Variants in TENM4 observed in about 807,000 individuals in gnomAD.
TENM4 encodes teneurin-4.
A neutral mutation model predicts 243.3 loss-of-function variants in TENM4; 82 were observed. That is an observed-to-expected ratio of 0.34 (90% CI 0.28 to 0.40). The LOEUF (loss-of-function observed/expected upper bound fraction) is 0.40. Among genes scored for constraint, TENM4 ranks in the 10% least tolerant of loss-of-function variants. The pLI is 1.00. For synonymous variants in TENM4, 1,412 were observed against 1,456.3 expected, an observed-to-expected ratio of 0.97 and a Z score of 0.69; for missense variants, 3,138 against 3,673.3, an observed-to-expected ratio of 0.85 and a Z score of 3.77.
At chr11:79,102,456 C>T (rs1861257831) in intron 4 of TENM4, among the ~76,000 whole-genome samples, 1 of 152,176 alleles carries the variant, frequency 6.6e-6, no homozygotes, top group Non-Finnish European at 1.5e-5. Flanking sequence ...ACTCTGGCTC[C>T]TGGAGAAGCC....
chr11:79,306,023 G>A (rs558076422), intron 1 of TENM4, among the ~76,000 whole-genome samples: 2 of 152,166 alleles, frequency 1.3e-5, no homozygotes, highest in Non-Finnish European at 2.9e-5. Context: ...CTGGCGCAGG[G>A]GCTCCTCTGC....
At chr11:79,419,013 G>A (rs561291071) in intron 1 of TENM4, among the ~76,000 whole-genome samples, 125 of 152,328 alleles carry the variant, frequency 8.2e-4, no homozygotes, top group African/African-American at 2.9e-3. Context: ...TCTGAAGGAA[G>A]TCAAACTCAT....
chr11:78,738,318 G>C (rs565233391), intron 20 of TENM4, 133 bp downstream of exon 20: 1 of 1,225,262 alleles, frequency 8.2e-7, no homozygotes, highest in African/African-American at 1.5e-5. Context: ...AAGTTGCAGA[G>C]CTGGGCATTT....
chr11:78,770,851 G>T, intron 18 of TENM4, 141 bp downstream of exon 18: 1 of 1,017,634 alleles, frequency 9.8e-7, no homozygotes, highest in Non-Finnish European at 1.4e-6. Flanking sequence ...AGCCACATGT[G>T]CAGTTTTTTG....
intron 2 of TENM4, among the ~76,000 whole-genome samples, chr11:79,283,696 G>C (rs781182083): frequency 2.8e-4 from 43 of 152,240 alleles, no homozygotes; most frequent in Non-Finnish European, 1.5e-5. Flanking sequence ...TACTGTACTG[G>C]AGGTTCTAAC....
chr11:79,201,725 G>T lies in TENM4; in HGVS notation c.-163+14083C>A, dbSNP rs573074932. On this transcript the variant is annotated intron_variant, in intron 3 of 33. Transcript: ENST00000278550. ...AGACTCACAGAAGCATGAAGGAGGG[G>T]TGGGGCAAGTGGCTGAAAGCCCTCT... Among the ~76,000 whole-genome samples, 103 of 152,192 alleles carry T rather than the reference G, an allele frequency of 6.8e-4. 1 individual carries two copies. Among genetic ancestry groups the T allele is most frequent in the African/African-American group, 2.4e-3 (100 of 41,516 alleles).
At chr11:79,224,015 C>T (rs550634297) in intron 2 of TENM4, among the ~76,000 whole-genome samples, 5 of 152,330 alleles carry the variant, frequency 3.3e-5, no homozygotes, top group Non-Finnish European at 7.3e-5. Flanking sequence ...ACAAGACCCT[C>T]CAGAGCTCTC....
At chr11:79,165,270 G>C (rs937144604) in intron 3 of TENM4, among the ~76,000 whole-genome samples, 1 of 152,078 alleles carries the variant, frequency 6.6e-6, no homozygotes, top group Non-Finnish European at 1.5e-5. Flanking sequence ...CAGCATAAAA[G>C]TGTTCCCTTT....
In TENM4 at chr11:78,738,441, G is replaced by A; in HGVS notation, c.2876+10C>T. The A allele has an allele frequency of 6.2e-7, 1 of 1,612,514 alleles. No individual in the cohort carries two copies. Among genetic ancestry groups the A allele is most frequent in the Non-Finnish European group, 8.5e-7 (1 of 1,179,254 alleles). On this transcript the variant is annotated intron_variant, in intron 20 of 33. Coordinates refer to ENST00000278550, the MANE Select transcript of TENM4 (RefSeq NM_001098816.3). ...CCTTCACTGTTTCTGGCTCATAGAA[G>A]GTCTCCTACCTGCCATCTTGCCTGC...
intron 10 of TENM4, among the ~76,000 whole-genome samples, chr11:78,859,327 TAAC>T (rs1288872897): frequency 6.6e-6 from 1 of 152,180 alleles, no homozygotes; most frequent in Non-Finnish European, 1.5e-5. Flanking sequence ...CCCAGAGACT[TAAC>T]AAACACTGCA....
chr11:78,891,453 A>T lies in TENM4; in HGVS notation c.750-117T>A. 7.7e-6 allele frequency: 7 copies of T among 908,048 alleles called. No individual in the cohort carries two copies. The South Asian group carries it at 1.1e-4, about 14-fold the overall frequency. The allele number at this position is 908,048 out of a possible 1,614,324, so 56.2% of individuals were successfully genotyped here. A position where few individuals can be genotyped will look rare whatever the true frequency, so the allele number is the denominator to read the frequency against. On this transcript the variant is annotated intron_variant, in intron 7 of 33. Transcript: ENST00000278550. Reference sequence around the variant, plus strand: ...GCTGTGTGCGTAAGACCAGCGGGACACGGTTTCCAGGCAATGGGTCAGTGT... The same window carrying T: ...GCTGTGTGCGTAAGACCAGCGGGACTCGGTTTCCAGGCAATGGGTCAGTGT...
chr11:79,354,233 T>C (rs1857461271), intron 1 of TENM4, among the ~76,000 whole-genome samples: 1 of 152,218 alleles, frequency 6.6e-6, no homozygotes, highest in African/African-American at 2.4e-5. Context: ...TATTTTAAGT[T>C]GACGTTGTTT....
In TENM4 at chr11:78,891,228, T is replaced by C; in HGVS notation, c.848+10A>G. 6.4e-7 allele frequency: 1 copy of C among 1,551,274 alleles called. No homozygotes were observed. The highest frequency in any genetic ancestry group is 8.7e-7 in the Non-Finnish European group (1 of 1,146,704). On this transcript the variant is annotated intron_variant, in intron 8 of 33. Coordinates refer to ENST00000278550, the MANE Select transcript of TENM4 (RefSeq NM_001098816.3). The stretch of plus-strand genomic sequence containing the variant: ...GCACACACAGAGAGGAGAATGGGGA[T>C]GTCACCTACCCGTCACTGTAAGCCC...
chr11:78,696,167 G>A (rs1213278299), intron 28 of TENM4, among the ~76,000 whole-genome samples: 1 of 152,022 alleles, frequency 6.6e-6, no homozygotes, highest in Non-Finnish European at 1.5e-5. Context: ...CCTCCAGAGA[G>A]AGCAGCCCAT....
intron 23 of TENM4, among the ~76,000 whole-genome samples, 170 bp from the exon 24 acceptor site, chr11:78,723,087 C>T (rs1855437355): frequency 6.6e-6 from 1 of 152,210 alleles, no homozygotes. Context: ...CCAGATTGTC[C>T]TAAACAAGTC....
intron 6 of TENM4, among the ~76,000 whole-genome samples, chr11:79,044,431 G>A (rs1251114870): frequency 2.0e-5 from 3 of 152,286 alleles, no homozygotes; most frequent in Non-Finnish European, 4.4e-5. Context: ...CATAGGAGGC[G>A]GCAGGACTGG....
chr11:78,813,576 C>A (rs1857543657), intron 13 of TENM4, among the ~76,000 whole-genome samples: 1 of 152,152 alleles, frequency 6.6e-6, no homozygotes, highest in Admixed American at 6.5e-5. Flanking sequence ...GGTAAAAAAA[C>A]AAAACAAAAG....
chr11:79,282,175 A>G (rs952903934), intron 2 of TENM4, among the ~76,000 whole-genome samples: 5 of 152,256 alleles, frequency 3.3e-5, no homozygotes, highest in African/African-American at 1.2e-4. Flanking sequence ...AAAAGGATGT[A>G]AAATGATCTC....
chr11:78,664,140 C>T (rs1478424688), intron 32 of TENM4, among the ~76,000 whole-genome samples: 2 of 152,186 alleles, frequency 1.3e-5, no homozygotes, highest in African/African-American at 4.8e-5. Context: ...TCCTTATCTG[C>T]ATATTGACAA....
Sources: allele counts gnomAD v4.1 joint callset (sites outside exome capture counted in the v4.1 genomes callset), GRCh38; gene constraint gnomAD v4.1.1; transcripts MANE v1.5; gene names NCBI Gene and HGNC (gene_info 2026-07-23, HGNC 2026-07-21).